Variants in TBC1D9 observed in about 807,000 individuals in gnomAD.
TBC1D9 encodes the protein TBC1 domain family member 9, also known as TBC1 domain family member 9A.
In TBC1D9, 63 loss-of-function variants were observed where a neutral mutation model predicts 132.0. The observed-to-expected ratio is 0.48, with a 90% confidence interval of 0.39 to 0.59. TBC1D9 has a LOEUF of 0.59. Ranked by LOEUF, TBC1D9 falls within the 20% of genes least tolerant of loss-of-function variation. The probability of loss-of-function intolerance (pLI) is 0.00; values close to 1 mark genes in which losing one functional copy is unlikely to be tolerated. For synonymous variants in TBC1D9, 610 were observed against 609.9 expected (o/e 1.00, Z 0.00); for missense variants, 1,261 against 1,592.7 (o/e 0.79, Z 3.54).
intron 1 of TBC1D9, among the ~76,000 whole-genome samples, chr4:140,720,993 G>A (rs950515254): frequency 6.6e-6 from 1 of 152,160 alleles, no homozygotes; most frequent in Admixed American, 6.5e-5. Context: ...TTTCACCGAG[G>A]TCAGAGCCCT....
intron 8 of TBC1D9, among the ~76,000 whole-genome samples, 187 bp downstream of exon 8, chr4:140,669,447 C>T (rs572504400): frequency 1.3e-5 from 2 of 152,186 alleles, no homozygotes; most frequent in African/African-American, 4.8e-5. Context: ...GTCACCTGTA[C>T]CCTCTATAAC....
chr4:140,754,967 A>G (rs1193170622), intron 1 of TBC1D9, among the ~76,000 whole-genome samples: 1 of 152,228 alleles, frequency 6.6e-6, no homozygotes, highest in Non-Finnish European at 1.5e-5. Context: ...CTATTGTGCA[A>G]ACTCCAGGTG....
At chr4:140,636,142 C>A (rs1231107594) in intron 15 of TBC1D9, among the ~76,000 whole-genome samples, 1 of 152,114 alleles carries the variant, frequency 6.6e-6, no homozygotes, top group African/African-American at 2.4e-5. Context: ...TTGTTCCTTG[C>A]TGAGAGCCCA....
chr4:140,741,065 G>A (rs1011214916), intron 1 of TBC1D9, among the ~76,000 whole-genome samples: 1 of 152,170 alleles, frequency 6.6e-6, no homozygotes, highest in Non-Finnish European at 1.5e-5. Context: ...GTGGGGTGGT[G>A]AGGGCTGTCA....
intron 2 of TBC1D9, among the ~76,000 whole-genome samples, chr4:140,688,437 G>A (rs1737822466): frequency 1.3e-5 from 2 of 152,180 alleles, no homozygotes; most frequent in South Asian, 2.1e-4. Context: ...AGGCAGAGGT[G>A]AGGGGATCAC....
intron 1 of TBC1D9, among the ~76,000 whole-genome samples, chr4:140,710,583 G>T (rs1304784177): frequency 6.6e-6 from 1 of 152,128 alleles, no homozygotes; most frequent in East Asian, 1.9e-4. Flanking sequence ...TATCCAATTA[G>T]TATGTGCTGC....
chr4:140,646,764 A>G (rs1303773169), intron 13 of TBC1D9, among the ~76,000 whole-genome samples: 1 of 152,194 alleles, frequency 6.6e-6, no homozygotes, highest in African/African-American at 2.4e-5. Flanking sequence ...TCCACCAGCA[A>G]TGTGGTGAGT....
intron 9 of TBC1D9, among the ~76,000 whole-genome samples, chr4:140,666,545 AG>A (rs1352591698): frequency 6.6e-6 from 1 of 151,888 alleles, no homozygotes; most frequent in Non-Finnish European, 1.5e-5. Context: ...TCACCTTGTT[AG>A]CCAGGATGGT....
chr4:140,712,295 T>C (rs1355000448), intron 1 of TBC1D9: 1 of 150,940 alleles, frequency 6.6e-6, no homozygotes, highest in African/African-American at 2.4e-5. Context: ...TACGTATTCA[T>C]ACACACTGAA....
chr4:140,746,520 T>G (rs1738838515), intron 1 of TBC1D9, among the ~76,000 whole-genome samples: 1 of 152,148 alleles, frequency 6.6e-6, no homozygotes, highest in South Asian at 2.1e-4. Context: ...ATGCTACTGA[T>G]AAAGACATAT....
At chr4:140,755,875 C>G in intron 1 of TBC1D9, 41 bp downstream of exon 1, 1 of 1,496,556 alleles carries the variant, frequency 6.7e-7, no homozygotes, top group Non-Finnish European at 8.9e-7. Context: ...CGCCGCAGCG[C>G]TCCCGGCTCC....
chr4:140,632,995 T>C (rs1038900401), intron 16 of TBC1D9, among the ~76,000 whole-genome samples: 1 of 152,236 alleles, frequency 6.6e-6, no homozygotes, highest in African/African-American at 2.4e-5. Context: ...ATGAGTACTT[T>C]ATACAATTTT....
In TBC1D9 at chr4:140,685,175, C is replaced by T. The variant is rs12645933; in HGVS notation, c.360+1169G>A. Among the ~76,000 whole-genome samples, 3 of 151,974 alleles carry T rather than the reference C, an allele frequency of 2.0e-5. No individual in the cohort carries two copies. The South Asian group carries it at 6.2e-4, about 31-fold the overall frequency. On this transcript the variant is annotated intron_variant, in intron 3 of 20. Transcript: ENST00000442267. ...TCAATGGATCAATCCTAAATCAAGA[C>T]AGAAATTTTGACAAGGAGTGATACA... is the stretch of plus-strand genomic sequence containing the variant.
intron 13 of TBC1D9, chr4:140,644,135 C>T (rs1737059685): frequency 2.7e-6 from 1 of 376,484 alleles, no homozygotes; most frequent in East Asian, 5.7e-5. Context: ...TGGGCTGCCC[C>T]AGGAAAGGGT....
chr4:140,698,147 T>C (rs1048728180), intron 2 of TBC1D9, among the ~76,000 whole-genome samples: 1 of 152,128 alleles, frequency 6.6e-6, no homozygotes, highest in Non-Finnish European at 1.5e-5. Flanking sequence ...CCCAATCAAC[T>C]ACGGCAGGCC....
At chr4:140,731,402 G>A (rs1321523512) in intron 1 of TBC1D9, among the ~76,000 whole-genome samples, 1 of 152,032 alleles carries the variant, frequency 6.6e-6, no homozygotes, top group African/African-American at 2.4e-5. Flanking sequence ...CATTAAAGAA[G>A]GAAAAAGGGC....
At chr4:140,709,508 A>C (rs1267021770) in intron 1 of TBC1D9, among the ~76,000 whole-genome samples, 1 of 151,988 alleles carries the variant, frequency 6.6e-6, no homozygotes, top group Non-Finnish European at 1.5e-5. Flanking sequence ...ATACTAAAAA[A>C]AAAAAAGACA....
In TBC1D9 at chr4:140,720,759, C is replaced by G. The variant is rs978790581; in HGVS notation, c.131-19145G>C. 5.3e-5 allele frequency among the ~76,000 whole-genome samples: 8 copies of G among 152,188 alleles called. No individual in the cohort carries two copies. In the South Asian group the frequency reaches 8.3e-4, roughly 16 times the overall value. ...ATGCACCCTCTTCCTGGAGGAGTAACCTTTGAAGAGCTGGTTTCTAAGGTG... is the reference window on the plus strand; with the variant it reads ...ATGCACCCTCTTCCTGGAGGAGTAAGCTTTGAAGAGCTGGTTTCTAAGGTG... On this transcript the variant is annotated intron_variant, in intron 1 of 20. Transcript: ENST00000442267.
chr4:140,718,282 C>T (rs1738369166), intron 1 of TBC1D9, among the ~76,000 whole-genome samples: 1 of 146,382 alleles, frequency 6.8e-6, no homozygotes, highest in African/African-American at 2.6e-5. Flanking sequence ...CAGCTATGCA[C>T]ATTGGGAGGT....
Sources: gnomAD v4.1 joint callset for allele counts (sites outside exome capture counted in the v4.1 genomes callset) on GRCh38, gnomAD v4.1.1 for gene constraint, MANE v1.5 for transcripts, NCBI Gene and HGNC (gene_info 2026-07-23, HGNC 2026-07-21) for gene names.